SORT1: variants seen among roughly 807,000 people sequenced by gnomAD.
SORT1 encodes the protein sortilin.
Under a neutral mutation model 101.7 loss-of-function variants are expected in SORT1, and 39 were observed. That is an observed-to-expected ratio of 0.38 (90% confidence interval 0.30 to 0.50). SORT1 has a LOEUF of 0.50. Among genes scored for constraint, SORT1 ranks in the 20% least tolerant of loss-of-function variants. The probability of loss-of-function intolerance (pLI) is 0.90; values close to 1 mark genes in which losing one functional copy is unlikely to be tolerated. For missense variants in SORT1, 878 were observed against 1,040.4 expected, an observed-to-expected ratio of 0.84 and a Z score of 2.15; for synonymous variants, 396 against 393.7, an observed-to-expected ratio of 1.01 and a Z score of -0.07.
intron 6 of SORT1, 114 bp from the exon 7 acceptor site, chr1:109,347,646 C>T (rs1649689557): frequency 1.4e-6 from 1 of 702,254 alleles, no homozygotes; most frequent in Non-Finnish European, 2.6e-6. Context: ...CAGGCACTGA[C>T]AAGCACCACT....
Position 109,323,008 on chromosome 1 carries a change from C to T in SORT1, c.1948G>A (p.Val650Met), listed in dbSNP as rs72646577. 2.5e-4 allele frequency: 409 copies of T among 1,614,180 alleles called. 1 individual carries two copies. The highest frequency in any genetic ancestry group is 1.8e-3 in the African/African-American group (136 of 75,062). ...ACATAGTCTCGACCATTCTGACACACGGATGACTTGCGTAGCCGCAGAAAC... is the reference window on the plus strand; with the variant it reads ...ACATAGTCTCGACCATTCTGACACATGGATGACTTGCGTAGCCGCAGAAAC... ...EQFLRLRKSS[V>M]CQNGRDYVVT... Residue 650 changes from valine to methionine, a missense_variant, in exon 15 of 20, where the codon GTG (valine) becomes ATG (methionine). Physicochemically the swap from Val to Met is conservative, Grantham distance 21. Transcript: ENST00000256637.
chr1:109,363,510 C>T (rs1650880229), intron 3 of SORT1, among the ~76,000 whole-genome samples: 1 of 152,058 alleles, frequency 6.6e-6, no homozygotes, highest in Non-Finnish European at 1.5e-5. Context: ...CATATACATA[C>T]ATACACATAC....
Position 109,311,924 on chromosome 1 carries a change from T to C in SORT1, c.*2119A>G, listed in dbSNP as rs979595078. The C allele has an allele frequency of 6.6e-6, 1 of 152,558 alleles. No homozygotes were observed. The highest frequency in any genetic ancestry group is 2.4e-5 in the African/African-American group (1 of 41,430). 9.5% of individuals were successfully genotyped at this position (152,558 alleles called of 1,614,324 possible). ...CGGGGACCCTGAACAACTGACTCCA[T>C]CCCAAGAACATTGTGAGGTTCAAAT... On this transcript the variant is annotated 3_prime_UTR_variant, in exon 20 of 20. Transcript: ENST00000256637.
intron 1 of SORT1, among the ~76,000 whole-genome samples, chr1:109,395,914 A>AAAG (rs1557832989): frequency 1.3e-5 from 2 of 151,956 alleles, no homozygotes; most frequent in Non-Finnish European, 2.9e-5. Flanking sequence ...GTTTCTTAAA[A>AAAG]AAAGAAAGAA....
rs1000343259 is a variant in SORT1 at position 109,317,946 on chromosome 1, T to C, written c.2048A>G (p.Glu683Gly). 6.2e-7 allele frequency: 1 copy of C among 1,613,884 alleles called. No homozygotes were observed. Among genetic ancestry groups the C allele is most frequent in the East Asian group, 2.2e-5 (1 of 44,882 alleles). ...FLCDFGYYRP[E>G]NDSKCVEQPE... ...CTGTTCCACACACTTGGAGTCATTT[T>C]CTGGACGGTAGTAGCCAAAATCACT... is the stretch of plus-strand genomic sequence containing the variant. The change falls in exon 16 of 20, where the codon GAA becomes GGA. Residue 683 changes from glutamate (E) to glycine (G), a missense_variant. Transcript: ENST00000256637.
At chr1:109,360,437 A>G (rs1289182599) in intron 3 of SORT1, among the ~76,000 whole-genome samples, 1 of 151,908 alleles carries the variant, frequency 6.6e-6, no homozygotes, top group Non-Finnish European at 1.5e-5. Flanking sequence ...AGCTCAAGCA[A>G]TTCTTCTGCC....
chr1:109,355,817 C>G (rs951011680), intron 3 of SORT1, among the ~76,000 whole-genome samples: 1 of 152,040 alleles, frequency 6.6e-6, no homozygotes, highest in African/African-American at 2.4e-5. Flanking sequence ...TTCCTTCAGA[C>G]CAGCAGTTCT....
At chr1:109,344,698 A>G (rs1302509920) in intron 8 of SORT1, among the ~76,000 whole-genome samples, 2 of 152,104 alleles carry the variant, frequency 1.3e-5, no homozygotes, top group East Asian at 3.9e-4. Flanking sequence ...ACACACTCAC[A>G]TTTATATTTA....
intron 1 of SORT1, among the ~76,000 whole-genome samples, chr1:109,385,178 T>A (rs901659322): frequency 6.6e-6 from 1 of 152,154 alleles, no homozygotes; most frequent in African/African-American, 2.4e-5. Context: ...CATTCATGAG[T>A]TGGTGCCCTC....
chr1:109,335,101 G>C (rs942133506), intron 11 of SORT1, among the ~76,000 whole-genome samples: 5 of 152,172 alleles, frequency 3.3e-5, no homozygotes, highest in Non-Finnish European at 7.3e-5. Context: ...TCCAGGAATA[G>C]TGTGGGTGTT....
At chr1:109,367,606 T>C (rs992267382) in intron 2 of SORT1, 125 bp from the exon 3 acceptor site, 7 of 572,834 alleles carry the variant, frequency 1.2e-5, no homozygotes, top group Non-Finnish European at 9.3e-6. Flanking sequence ...CTCCCCAAAG[T>C]CTAGAAGGAT....
chr1:109,353,190 T>A (rs1650076700), intron 5 of SORT1, among the ~76,000 whole-genome samples: 1 of 151,910 alleles, frequency 6.6e-6, no homozygotes, highest in South Asian at 2.1e-4. Flanking sequence ...TAGCTGGGCC[T>A]GGGTGCACAT....
Position 109,327,116 on chromosome 1 carries a change from TG to T in SORT1, c.1518del (p.Tyr506Ter). 6.2e-7 allele frequency: 1 copy of T among 1,613,802 alleles called. No homozygotes were observed. The highest frequency in any genetic ancestry group is 8.5e-7 in the Non-Finnish European group (1 of 1,179,930). On this transcript the variant is annotated frameshift_variant, in exon 13 of 20. Transcript: ENST00000256637. LOFTEE classifies it high-confidence loss of function. The stretch of plus-strand genomic sequence containing the variant: ...CAGGAGTAACCCCCATCATCTGAGA[TG>T]TACACATCTGGAACCATCACTGAGA... The part of the protein sequence containing the change: ...DAISVMVPDV[Y>X]ISDDGGYSWT...
In SORT1 at chr1:109,324,846, T is replaced by C. The variant is rs1647880175; in HGVS notation, c.1834+53A>G. 2.5e-6 allele frequency: 3 copies of C among 1,220,602 alleles called. No individual in the cohort carries two copies. In the Admixed American group the frequency reaches 6.3e-5, roughly 26 times the overall value. The allele number at this position is 1,220,602 out of a possible 1,614,324, so 75.6% of individuals were successfully genotyped here. A position where few individuals can be genotyped will look rare whatever the true frequency, so the allele number is the denominator to read the frequency against. ...AAGAAATTAAACCATATTGATTATT[T>C]AGGAAAATGGACTTGGAAGTTTCTG... is the stretch of plus-strand genomic sequence containing the variant. On this transcript the variant is annotated intron_variant, in intron 14 of 19. Coordinates refer to ENST00000256637, the MANE Select transcript of SORT1 (RefSeq NM_002959.7).
intron 13 of SORT1, among the ~76,000 whole-genome samples, chr1:109,325,494 C>T (rs1236155832): frequency 1.3e-5 from 2 of 151,926 alleles, no homozygotes; most frequent in Non-Finnish European, 2.9e-5. Context: ...CCCACCTTGG[C>T]CTCCCAAAGT....
chr1:109,329,794 T>C (rs1648336134), intron 11 of SORT1, among the ~76,000 whole-genome samples: 1 of 152,196 alleles, frequency 6.6e-6, no homozygotes, highest in South Asian at 2.1e-4. Flanking sequence ...CTTTCAATGA[T>C]AGATCATCCA....
chr1:109,345,392 A>G (rs774545911), intron 8 of SORT1, among the ~76,000 whole-genome samples: 2 of 152,136 alleles, frequency 1.3e-5, no homozygotes, highest in Non-Finnish European at 2.9e-5. Context: ...GTGCACACCT[A>G]TAGTCCCACT....
chr1:109,386,997 A>C (rs1365489166), intron 1 of SORT1, among the ~76,000 whole-genome samples: 1 of 152,232 alleles, frequency 6.6e-6, no homozygotes, highest in East Asian at 1.9e-4. Flanking sequence ...TATAGTCTTT[A>C]AAAAATAATT....
At chr1:109,383,674 G>A (rs1236235426) in intron 1 of SORT1, among the ~76,000 whole-genome samples, 2 of 152,160 alleles carry the variant, frequency 1.3e-5, no homozygotes, top group Non-Finnish European at 2.9e-5. Context: ...AACACAACCT[G>A]AGTGATGCTT....
Sources: gnomAD v4.1 joint callset for allele counts (sites outside exome capture counted in the v4.1 genomes callset) on GRCh38, gnomAD v4.1.1 for gene constraint, MANE v1.5 for transcripts, NCBI Gene and HGNC (gene_info 2026-07-23, HGNC 2026-07-21) for gene names.